MEGF11: variants seen among roughly 807,000 people sequenced by gnomAD.
The protein encoded by MEGF11 is multiple EGF like domains 11, also known as multiple epidermal growth factor-like domains protein 11.
Under a neutral mutation model 146.6 loss-of-function variants are expected in MEGF11, and 126 were observed. The observed-to-expected ratio is 0.86, with a 90% confidence interval of 0.74 to 1.00. The LOEUF is 1.00. MEGF11 is among the 50% of genes least tolerant of loss of function. The pLI, the probability that MEGF11 is intolerant of heterozygous loss-of-function variation, is 0.00. For synonymous variants in MEGF11, 532 were observed against 583.4 expected (o/e 0.91, Z 1.27); for missense variants, 1,509 against 1,521.2 (o/e 0.99, Z 0.13).
At chr15:66,172,019 G>A (rs1020043693) in intron 1 of MEGF11, among the ~76,000 whole-genome samples, 2 of 152,194 alleles carry the variant, frequency 1.3e-5, no homozygotes, top group Non-Finnish European at 2.9e-5. Flanking sequence ...GTAAAGCCCC[G>A]GCTTTTAGGC....
chr15:66,048,102 C>T (rs28570681), intron 5 of MEGF11, among the ~76,000 whole-genome samples: 2,310 of 152,222 alleles, frequency 0.015, 44 homozygotes, highest in African/African-American at 0.043. Flanking sequence ...TGTACCACCA[C>T]GCCCAGCTAA....
chr15:66,171,434 C>T (rs1485568427), intron 1 of MEGF11, among the ~76,000 whole-genome samples: 3 of 142,440 alleles, frequency 2.1e-5, no homozygotes, highest in Middle Eastern at 3.7e-3. Context: ...CCCCTTGCTC[C>T]AAGTACTCTA....
At chr15:65,974,771 GGGA>G (rs886107348) in intron 7 of MEGF11, among the ~76,000 whole-genome samples, 2 of 152,154 alleles carry the variant, frequency 1.3e-5, no homozygotes, top group African/African-American at 4.8e-5. Context: ...GTATTCAAAA[GGGA>G]GGAGAAGTCT....
At chr15:65,972,382 G>A (rs1048306609) in intron 7 of MEGF11, among the ~76,000 whole-genome samples, 12 of 152,150 alleles carry the variant, frequency 7.9e-5, no homozygotes, top group South Asian at 6.2e-4. Context: ...TTATATCTCT[G>A]TGGATAAAGA....
At chr15:66,203,137 C>T (rs916134192) in intron 1 of MEGF11, among the ~76,000 whole-genome samples, 2 of 152,200 alleles carry the variant, frequency 1.3e-5, no homozygotes, top group African/African-American at 4.8e-5. Context: ...CCTGTGCCCA[C>T]CCCAGCAATC....
intron 1 of MEGF11, among the ~76,000 whole-genome samples, chr15:66,198,490 TG>T (rs2091064171): frequency 6.6e-6 from 1 of 152,214 alleles, no homozygotes; most frequent in East Asian, 1.9e-4. Flanking sequence ...TTTTGTTTTT[TG>T]TTTTTCGTTT....
intron 1 of MEGF11, among the ~76,000 whole-genome samples, chr15:66,229,096 C>G (rs1362615163): frequency 6.6e-6 from 1 of 152,172 alleles, no homozygotes; most frequent in Non-Finnish European, 1.5e-5. Context: ...AATTGCCCGG[C>G]TTGTGTTCAC....
At chr15:65,955,483 C>T (rs1178347071) in intron 10 of MEGF11, among the ~76,000 whole-genome samples, 1 of 149,314 alleles carries the variant, frequency 6.7e-6, no homozygotes, top group Non-Finnish European at 1.5e-5. Context: ...GTGGCTCATG[C>T]CTGTAATCTC....
intron 1 of MEGF11, among the ~76,000 whole-genome samples, chr15:66,157,085 G>A (rs911617567): frequency 1.3e-4 from 18 of 135,514 alleles, no homozygotes; most frequent in African/African-American, 4.5e-4. Context: ...GTGGAAATGG[G>A]ACCAACGCCT....
intron 4 of MEGF11, among the ~76,000 whole-genome samples, chr15:66,106,989 A>C (rs1356258838): frequency 6.6e-6 from 1 of 152,084 alleles, no homozygotes; most frequent in Non-Finnish European, 1.5e-5. Context: ...GGGGACCTCC[A>C]GGACCTATTC....
chr15:66,218,835 T>G (rs1336602137), intron 1 of MEGF11, among the ~76,000 whole-genome samples: 2 of 152,212 alleles, frequency 1.3e-5, no homozygotes, highest in Admixed American at 6.5e-5. Flanking sequence ...AACCAGTCCC[T>G]CAGCTTCCCT....
chr15:66,049,979 C>T (rs941450464), intron 5 of MEGF11, among the ~76,000 whole-genome samples: 6 of 152,210 alleles, frequency 3.9e-5, no homozygotes, highest in Non-Finnish European at 8.8e-5. Flanking sequence ...GGGCTGGGCA[C>T]TATTCTAGGT....
chr15:65,946,007 T>C (rs956355828), intron 10 of MEGF11, among the ~76,000 whole-genome samples: 5 of 152,208 alleles, frequency 3.3e-5, no homozygotes, highest in Admixed American at 6.5e-5. Flanking sequence ...AAATGGGAAT[T>C]ACAATAGTAT....
At chr15:66,139,222 C>T (rs2089031477) in intron 1 of MEGF11, among the ~76,000 whole-genome samples, 1 of 152,302 alleles carries the variant, frequency 6.6e-6, no homozygotes, top group Middle Eastern at 3.4e-3. Context: ...ACCCACCTTC[C>T]AGAACTTGAG....
intron 5 of MEGF11, among the ~76,000 whole-genome samples, chr15:66,022,459 C>T (rs935263659): frequency 3.3e-5 from 5 of 152,186 alleles, no homozygotes; most frequent in Non-Finnish European, 5.9e-5. Context: ...GGCACACACA[C>T]GTATGACTTT....
At chr15:66,245,500 C>T (rs996742763) in intron 1 of MEGF11, among the ~76,000 whole-genome samples, 1 of 151,320 alleles carries the variant, frequency 6.6e-6, no homozygotes, top group Non-Finnish European at 1.5e-5. Context: ...GGCATGGTGG[C>T]ATACACCTGT....
intron 4 of MEGF11, among the ~76,000 whole-genome samples, chr15:66,116,426 T>A (rs1005822296): frequency 2.0e-4 from 30 of 152,146 alleles, no homozygotes; most frequent in African/African-American, 6.8e-4. Flanking sequence ...AACACCTTTC[T>A]AGTACACCCT....
In MEGF11 at chr15:65,929,840, C is replaced by A. The variant is rs145673178; in HGVS notation, c.1452G>T (p.Thr484=). 1 of 1,594,224 alleles carries A rather than the reference C, an allele frequency of 6.3e-7. No homozygotes were observed. The highest frequency in any genetic ancestry group is 1.3e-5 in the African/African-American group (1 of 74,616). Reference sequence around the variant, plus strand: ...AGCTCTCGTTGCAGTTCAGGCCCCACGTCCCACTGGGACATGGCAGGGTGC... The same window carrying A: ...AGCTCTCGTTGCAGTTCAGGCCCCAAGTCCCACTGGGACATGGCAGGGTGC... The part of the protein sequence containing the change: ...LDCTLPCPSG[T]WGLNCNESCT... The change falls in exon 12 of 26, where the codon ACG becomes ACT. Residue 484 remains threonine (T), a synonymous_variant. Coordinates refer to ENST00000395614, the MANE Select transcript of MEGF11 (RefSeq NM_001385028.1).
intron 10 of MEGF11, among the ~76,000 whole-genome samples, chr15:65,938,833 G>A (rs2079878486): frequency 6.6e-6 from 1 of 152,124 alleles, no homozygotes. Flanking sequence ...CCCAGACCCC[G>A]GTGGGTAATG....
Sources: gnomAD v4.1 joint callset for allele counts (sites outside exome capture counted in the v4.1 genomes callset) on GRCh38, gnomAD v4.1.1 for gene constraint, MANE v1.5 for transcripts, NCBI Gene and HGNC (gene_info 2026-07-23, HGNC 2026-07-21) for gene names.